Variants in RBM5 observed in about 807,000 individuals in gnomAD.
The protein encoded by RBM5 is RNA-binding protein 5.
Under a neutral mutation model 124.6 loss-of-function variants are expected in RBM5, and 15 were observed. The observed-to-expected ratio is 0.12, with a 90% confidence interval of 0.08 to 0.19. The LOEUF (loss-of-function observed/expected upper bound fraction) is 0.19. RBM5 is among the 10% of genes least tolerant of loss of function. The pLI is 1.00. For missense variants in RBM5, 580 were observed against 1,026.5 expected (o/e 0.57, Z 5.94); for synonymous variants, 337 against 361.2 (o/e 0.93, Z 0.76).
intron 6 of RBM5, 41 bp from the exon 7 acceptor site, chr3:50,103,042 T>C (rs1261555820): frequency 6.9e-7 from 1 of 1,457,350 alleles, no homozygotes; most frequent in Non-Finnish European, 9.6e-7. Context: ...TGGACACATG[T>C]TCCTCACAAT....
intron 22 of RBM5, chr3:50,116,746 G>C: frequency 8.5e-6 from 3 of 350,962 alleles, no homozygotes; most frequent in Non-Finnish European, 1.6e-5. Context: ...TGAGGAGAAC[G>C]GGCAACTCTG....
At chr3:50,097,572 T>A (rs961483335) in intron 4 of RBM5, among the ~76,000 whole-genome samples, 6 of 152,018 alleles carry the variant, frequency 3.9e-5, no homozygotes, top group Non-Finnish European at 7.4e-5. Context: ...TCCACAAATT[T>A]CACCCTGTTT....
chr3:50,103,608 T>G (rs192227465), intron 7 of RBM5, among the ~76,000 whole-genome samples: 1 of 152,248 alleles, frequency 6.6e-6, no homozygotes, highest in Non-Finnish European at 1.5e-5. Flanking sequence ...ATCGCGCCAC[T>G]GCACTCTAGC....
At chr3:50,091,507 G>A (rs758432532) in intron 2 of RBM5, among the ~76,000 whole-genome samples, 1 of 152,114 alleles carries the variant, frequency 6.6e-6, no homozygotes, top group Non-Finnish European at 1.5e-5. Flanking sequence ...CTAGTTTTGG[G>A]TAACTATCCA....
chr3:50,101,152 T>C (rs1008608225), intron 6 of RBM5: 2 of 35,174 alleles, frequency 5.7e-5, no homozygotes, highest in East Asian at 0.016. Flanking sequence ...CTAATCTAGT[T>C]AGAGTGGCAT....
Position 50,100,130 on chromosome 3 carries a change from C to T in RBM5, c.409+79C>T. 1.6e-6 allele frequency: 2 copies of T among 1,272,516 alleles called. No individual in the cohort carries two copies. Among genetic ancestry groups the T allele is most frequent in the Non-Finnish European group, 2.2e-6 (2 of 895,442 alleles). The allele number at this position is 1,272,516 out of a possible 1,614,324, so 78.8% of individuals were successfully genotyped here. On this transcript the variant is annotated intron_variant, in intron 5 of 24. Coordinates refer to ENST00000347869, the MANE Select transcript of RBM5 (RefSeq NM_005778.4). This position sits in a 1 kb window ranked among gnomAD's most constrained non-coding sequence, Gnocchi z 5.1. ...AGTCCCTAAAGAACATCCTGATTCC[C>T]CCAGTCTTCAAGCACATGAATTCAG...
At chr3:50,092,730 T>G (rs993945996) in intron 3 of RBM5, 5 of 453,834 alleles carry the variant, frequency 1.1e-5, no homozygotes, top group Admixed American at 2.4e-5. Flanking sequence ...AACATATTAG[T>G]TCTGTGTTTT....
chr3:50,116,712 T>G (rs747590919), intron 22 of RBM5: 3 of 303,124 alleles, frequency 9.9e-6, no homozygotes, highest in African/African-American at 4.4e-5. Context: ...TTTCCAAATG[T>G]TGGAGGTATG....
At position 50,117,649 on chromosome 3, in the gene RBM5, C is replaced by T. The variant is rs1575343091; in HGVS notation, c.2322+270C>T. 3.4e-6 allele frequency: 1 copy of T among 293,300 alleles called. No homozygotes were observed. Among genetic ancestry groups the T allele is most frequent in the East Asian group, 6.7e-5 (1 of 15,006 alleles). The allele number at this position is 293,300 out of a possible 1,614,324, so 18.2% of individuals were successfully genotyped here. The stretch of plus-strand genomic sequence containing the variant: ...ACAAAATATTAACTGGACGTGGCAG[C>T]GTGTGCCTGTAATCCCAGCTAGTCA... On this transcript the variant is annotated intron_variant, in intron 24 of 24. Transcript: ENST00000347869. The surrounding 1 kb of genome is among the most constrained non-coding windows in gnomAD (Gnocchi z 4.2).
intron 4 of RBM5, among the ~76,000 whole-genome samples, chr3:50,095,593 G>A (rs2090797155): frequency 5.9e-5 from 9 of 151,702 alleles, no homozygotes; most frequent in Admixed American, 5.9e-4. Flanking sequence ...CATGTCCATT[G>A]CTCTACTGTT....
intron 4 of RBM5, among the ~76,000 whole-genome samples, chr3:50,098,994 C>T (rs1265164202): frequency 6.6e-6 from 1 of 152,184 alleles, no homozygotes; most frequent in Non-Finnish European, 1.5e-5. Flanking sequence ...GTGGCTCACT[C>T]CTGTAATCCT....
intron 1 of RBM5, chr3:50,090,128 G>C (rs2090678687): frequency 3.5e-6 from 1 of 289,836 alleles, no homozygotes. Flanking sequence ...TGCTTGCTCC[G>C]TATTATGATT....
Position 50,118,454 on chromosome 3 carries a change from TGAGAGAGAGA to T in RBM5, c.*11_*20del, listed in dbSNP as rs112672304. 1.3e-5 allele frequency: 20 copies of T among 1,575,832 alleles called. No individual in the cohort carries two copies. Among genetic ancestry groups the T allele is most frequent in the Non-Finnish European group, 1.3e-5 (15 of 1,152,846 alleles). The stretch of plus-strand genomic sequence containing the variant: ...GTTTGCCCGGTTCACTGAGATGGAG[TGAGAGAGAGA>T]GAGAGAGAGAGATGACAAGGAGCAC... On this transcript the variant is annotated stop_retained_variant and 3_prime_UTR_variant, in exon 25 of 25. Transcript: ENST00000347869.
intron 4 of RBM5, among the ~76,000 whole-genome samples, chr3:50,096,468 A>G (rs1430874179): frequency 6.6e-6 from 1 of 152,070 alleles, no homozygotes; most frequent in African/African-American, 2.4e-5. Flanking sequence ...AGCCTGAGCG[A>G]CAGAGCAAGA....
At chr3:50,115,792 A>G (rs1269736708) in intron 21 of RBM5, 114 bp from the exon 22 acceptor site, 1 of 1,216,274 alleles carries the variant, frequency 8.2e-7, no homozygotes, top group African/African-American at 1.5e-5. Context: ...TTTTTATGTG[A>G]TTGTGTATTG....
intron 24 of RBM5, chr3:50,118,008 C>T (rs1479544013): frequency 1.1e-5 from 4 of 353,290 alleles, no homozygotes; most frequent in African/African-American, 2.1e-5. Context: ...TTGAGCTATC[C>T]TGTATAATGT....
chr3:50,090,079 G>T, intron 1 of RBM5: 9 of 211,610 alleles, frequency 4.3e-5, no homozygotes, highest in Non-Finnish European at 6.8e-5. Flanking sequence ...TGCCCTTTTT[G>T]CTTTGTAATT....
In RBM5 at chr3:50,110,759, C is replaced by G. The variant is rs1235317669; in HGVS notation, c.1444C>G (p.Pro482Ala). ...YDPTTGLYYDPNSQYYYNSLT... is the reference protein window; with the variant it reads ...YDPTTGLYYDANSQYYYNSLT... The stretch of plus-strand genomic sequence containing the variant: ...TCCGACAACAGGGCTCTATTATGAC[C>G]CCAACTCGCAAGTAAATGTGCTGCT... The change falls in exon 17 of 25, where the codon CCC becomes GCC. Residue 482 changes from proline (P) to alanine (A), a missense_variant. Pro to Ala is a conservative substitution (Grantham distance 27, BLOSUM62 -1). Transcript: ENST00000347869. 1.2e-6 allele frequency: 2 copies of G among 1,608,614 alleles called. No homozygotes were observed. The highest frequency in any genetic ancestry group is 1.1e-5 in the South Asian group (1 of 90,620).
At chr3:50,107,214 C>T (rs535336518) in intron 11 of RBM5, 8 of 605,212 alleles carry the variant, frequency 1.3e-5, no homozygotes, top group East Asian at 8.8e-5. Flanking sequence ...TAGTGCTTAA[C>T]TCTAACACGG....
Sources: gnomAD v4.1 joint callset for allele counts (sites outside exome capture counted in the v4.1 genomes callset) on GRCh38, gnomAD v4.1.1 for gene constraint, Gnocchi (gnomAD v3.1) non-coding constraint, MANE v1.5 for transcripts, NCBI Gene and HGNC (gene_info 2026-07-23, HGNC 2026-07-21) for gene names.